The following MSRA variants were observed in gnomAD, a reference collection of about 807,000 sequenced individuals.
MSRA encodes methionine sulfoxide reductase A.
Under a neutral mutation model 31.3 loss-of-function variants are expected in MSRA, and 54 were observed. The ratio of observed to expected loss-of-function variants is 1.73; its 90% CI spans 1.39 to 2.17. The LOEUF (loss-of-function observed/expected upper bound fraction) is 2.17, where lower values mean the gene tolerates loss of function less well. MSRA is among the 30% of genes most tolerant of loss of function. The probability of loss-of-function intolerance (pLI) is 0.00; values close to 1 mark genes in which losing one functional copy is unlikely to be tolerated. For synonymous variants in MSRA, 169 were observed against 116.5 expected, an observed-to-expected ratio of 1.45 and a Z score of -2.90; for missense variants, 507 against 300.9, an observed-to-expected ratio of 1.69 and a Z score of -5.07.
At chr8:10,279,715 A>T (rs12681005) in intron 3 of MSRA, among the ~76,000 whole-genome samples, 11,471 of 152,280 alleles carry the variant, frequency 0.075, 761 homozygotes, top group East Asian at 0.37. Context: ...TTTGTGAGCT[A>T]TTGAGCAACG....
At chr8:10,262,593 A>T (rs1798539171) in intron 3 of MSRA, among the ~76,000 whole-genome samples, 1 of 152,048 alleles carries the variant, frequency 6.6e-6, no homozygotes, top group African/African-American at 2.4e-5. Context: ...GATGAGATTT[A>T]AGATTGTTTT....
chr8:10,121,155 G>C (rs1055231784), intron 1 of MSRA, among the ~76,000 whole-genome samples: 27 of 152,264 alleles, frequency 1.8e-4, no homozygotes, highest in African/African-American at 6.3e-4. Context: ...TAAGTTTGTC[G>C]ATGGTAGGCA....
intron 1 of MSRA, among the ~76,000 whole-genome samples, chr8:10,105,756 G>A (rs1015692496): frequency 6.6e-6 from 1 of 152,202 alleles, no homozygotes; most frequent in Non-Finnish European, 1.5e-5. Flanking sequence ...AGTGGATTGA[G>A]TTGTGGCTGA....
intron 1 of MSRA, among the ~76,000 whole-genome samples, chr8:10,186,694 C>G (rs893388457): frequency 1.3e-5 from 2 of 152,094 alleles, no homozygotes; most frequent in Non-Finnish European, 2.9e-5. Flanking sequence ...GCTTTGTTGC[C>G]TCCTAAAGGG....
At chr8:10,094,968 T>G (rs1440281076) in intron 1 of MSRA, among the ~76,000 whole-genome samples, 4 of 152,208 alleles carry the variant, frequency 2.6e-5, no homozygotes, top group African/African-American at 4.8e-5. Flanking sequence ...TAGTAAAATT[T>G]TGAATAGGTA....
At chr8:10,207,269 C>A (rs1585169481) in intron 1 of MSRA, among the ~76,000 whole-genome samples, 1 of 152,164 alleles carries the variant, frequency 6.6e-6, no homozygotes, top group Non-Finnish European at 1.5e-5. Flanking sequence ...GTAGGAGGCA[C>A]TGGAATATCT....
chr8:10,161,576 T>C (rs1330873514), intron 1 of MSRA, among the ~76,000 whole-genome samples: 2 of 152,216 alleles, frequency 1.3e-5, no homozygotes, highest in African/African-American at 4.8e-5. Flanking sequence ...AGAGCCTCCT[T>C]TGCCTCCTTT....
intron 5 of MSRA, among the ~76,000 whole-genome samples, chr8:10,416,987 G>C (rs1808499539): frequency 6.6e-6 from 1 of 152,228 alleles, no homozygotes; most frequent in South Asian, 2.1e-4. Context: ...AGAGGACACA[G>C]AGGAATAGAT....
At chr8:10,095,653 C>T in intron 1 of MSRA, 3 of 997,958 alleles carry the variant, frequency 3.0e-6, no homozygotes, top group African/African-American at 1.7e-5. Flanking sequence ...CTTCTTTTGT[C>T]TGCTTTCTCG....
intron 1 of MSRA, among the ~76,000 whole-genome samples, chr8:10,125,560 A>T (rs900125174): frequency 6.6e-6 from 1 of 152,102 alleles, no homozygotes; most frequent in South Asian, 2.1e-4. Flanking sequence ...GGCTGAGAAC[A>T]TTGGGGGCCA....
At chr8:10,168,149 A>C (rs932288706) in intron 1 of MSRA, among the ~76,000 whole-genome samples, 13 of 152,218 alleles carry the variant, frequency 8.5e-5, no homozygotes, top group Admixed American at 2.0e-4. Context: ...AGATAATAAA[A>C]GTGTCTACCT....
intron 2 of MSRA, among the ~76,000 whole-genome samples, chr8:10,239,548 C>G (rs1372746235): frequency 6.6e-6 from 1 of 152,212 alleles, no homozygotes; most frequent in Non-Finnish European, 1.5e-5. Flanking sequence ...CAACAGAGAT[C>G]CTCCTACACT....
chr8:10,082,416 G>A (rs1046581430), intron 1 of MSRA, among the ~76,000 whole-genome samples: 1 of 152,072 alleles, frequency 6.6e-6, no homozygotes, highest in Admixed American at 6.5e-5. Context: ...CTGCTTGAGG[G>A]CGAAGCTGTC....
rs75324763 is a variant in MSRA at position 10,250,773 on chromosome 8, C to T, written c.331+5550C>T. 2,954 of 324,842 alleles carry T rather than the reference C, an allele frequency of 9.1e-3. 17 individuals are homozygous for T. Among genetic ancestry groups the T allele is most frequent in the Non-Finnish European group, 0.011 (2,005 of 178,240 alleles). 20.1% of individuals were successfully genotyped at this position (324,842 alleles called of 1,614,324 possible). On this transcript the variant is annotated intron_variant, in intron 3 of 5. Coordinates refer to ENST00000317173, the MANE Select transcript of MSRA (RefSeq NM_012331.5). ...GTGCTTATGTGTCCTGTCCTGAGCC[C>T]GTTTCCTCTCTTGTAAAATGGGGCA...
chr8:10,107,185 C>T (rs1410266885), intron 1 of MSRA, among the ~76,000 whole-genome samples: 1 of 151,952 alleles, frequency 6.6e-6, no homozygotes, highest in Non-Finnish European at 1.5e-5. Flanking sequence ...ACCTTCTTGT[C>T]CCTCTGCAAC....
At chr8:10,344,395 G>A (rs1803636166) in intron 5 of MSRA, among the ~76,000 whole-genome samples, 1 of 151,700 alleles carries the variant, frequency 6.6e-6, no homozygotes, top group African/African-American at 2.4e-5. Flanking sequence ...CCAAGATGGT[G>A]AAACCCCGTC....
intron 4 of MSRA, among the ~76,000 whole-genome samples, chr8:10,305,759 A>G (rs1279296964): frequency 3.9e-5 from 6 of 152,090 alleles, no homozygotes; most frequent in Non-Finnish European, 8.8e-5. Flanking sequence ...TAAGTGAGAG[A>G]TTGGAAGGTG....
chr8:10,252,183 G>T (rs1169303251), intron 3 of MSRA, among the ~76,000 whole-genome samples: 1 of 152,198 alleles, frequency 6.6e-6, no homozygotes, highest in Non-Finnish European at 1.5e-5. Context: ...TGAGAGAGAT[G>T]AAGTGATTTG....
chr8:10,237,800 C>G (rs1053602155), intron 2 of MSRA, among the ~76,000 whole-genome samples: 2 of 152,150 alleles, frequency 1.3e-5, no homozygotes, highest in African/African-American at 4.8e-5. Flanking sequence ...CAAAATATAT[C>G]CAGATTCTAA....
Sources: gnomAD v4.1 joint callset for allele counts (sites outside exome capture counted in the v4.1 genomes callset) on GRCh38, gnomAD v4.1.1 for gene constraint, MANE v1.5 for transcripts, NCBI Gene and HGNC (gene_info 2026-07-23, HGNC 2026-07-21) for gene names.